SLC15A1: variants seen among roughly 807,000 people sequenced by gnomAD.
The protein encoded by SLC15A1 is Caco-2 oligopeptide transporter.
SLC15A1 carries 83 observed loss-of-function variants against 92.9 expected under a neutral mutation model. That is an observed-to-expected ratio of 0.89 (90% CI 0.75 to 1.07). The LOEUF is 1.07. Among genes scored for constraint, SLC15A1 ranks in the 50% least tolerant of loss-of-function variants. SLC15A1 has a pLI of 0.00. For synonymous variants in SLC15A1, 322 were observed against 318.2 expected (o/e 1.01, Z -0.13); for missense variants, 857 against 880.1 (o/e 0.97, Z 0.33).
chr13:98,705,791 C>T (rs1381258959), intron 16 of SLC15A1, among the ~76,000 whole-genome samples: 7 of 151,774 alleles, frequency 4.6e-5, no homozygotes, highest in Non-Finnish European at 1.0e-4. Context: ...ACTCAGGAGG[C>T]TAAGGCAGAA....
At chr13:98,715,334 C>G (rs1169988486) in intron 9 of SLC15A1, among the ~76,000 whole-genome samples, 1 of 152,190 alleles carries the variant, frequency 6.6e-6, no homozygotes, top group Admixed American at 6.5e-5. Context: ...GCCACCATGC[C>G]TGGCTAATTT....
chr13:98,700,586 G>A (rs1369169268), intron 18 of SLC15A1, among the ~76,000 whole-genome samples: 1 of 147,056 alleles, frequency 6.8e-6, no homozygotes, highest in African/African-American at 2.5e-5. Context: ...TGTTTTTGAT[G>A]TCATATCTAA....
intron 1 of SLC15A1, among the ~76,000 whole-genome samples, chr13:98,734,721 A>G (rs527509424): frequency 1.8e-4 from 28 of 152,382 alleles, no homozygotes; most frequent in African/African-American, 6.5e-4. Context: ...CTATGCAAAT[A>G]AACTAGAAAA....
At chr13:98,731,663 G>GT (rs977565955) in intron 1 of SLC15A1, among the ~76,000 whole-genome samples, 43 of 152,134 alleles carry the variant, frequency 2.8e-4, no homozygotes, top group African/African-American at 1.0e-3. Flanking sequence ...CCTTTCCTGT[G>GT]TTCCCCGGAT....
chr13:98,710,571 T>G (rs1444287127), intron 11 of SLC15A1, among the ~76,000 whole-genome samples: 1 of 151,938 alleles, frequency 6.6e-6, no homozygotes, highest in Non-Finnish European at 1.5e-5. Flanking sequence ...ATTCCAGCAC[T>G]TTGGGAGGCC....
chr13:98,714,837 T>A (rs866520234), intron 9 of SLC15A1, among the ~76,000 whole-genome samples: 26 of 152,030 alleles, frequency 1.7e-4, no homozygotes, highest in South Asian at 8.3e-4. Context: ...ATACAGTATG[T>A]TCACTAAAAA....
chr13:98,684,420 C>T lies in SLC15A1; in HGVS notation c.*304G>A, dbSNP rs770894585. 2.3e-5 allele frequency: 5 copies of T among 219,852 alleles called. No homozygotes were observed. The highest frequency in any genetic ancestry group is 1.0e-4 in the Admixed American group (2 of 19,296). 13.6% of individuals were successfully genotyped at this position (219,852 alleles called of 1,614,324 possible). A position where few individuals can be genotyped will look rare whatever the true frequency, so the allele number is the denominator to read the frequency against. ...AATAGCTGGGCGTGGTGGTGCATGC[C>T]GCTAATCCCAGCCACTCGGGAGGCT... On this transcript the variant is annotated 3_prime_UTR_variant, in exon 23 of 23. Coordinates refer to ENST00000376503, the MANE Select transcript of SLC15A1 (RefSeq NM_005073.4).
At chr13:98,696,497 A>T (rs946054693) in intron 18 of SLC15A1, among the ~76,000 whole-genome samples, 9 of 152,156 alleles carry the variant, frequency 5.9e-5, no homozygotes, top group Non-Finnish European at 1.2e-4. Context: ...ATCCCCCAAT[A>T]TCAATTGCTC....
intron 1 of SLC15A1, among the ~76,000 whole-genome samples, chr13:98,741,117 C>T (rs1392691117): frequency 5.9e-5 from 9 of 152,260 alleles, no homozygotes; most frequent in East Asian, 1.9e-4. Flanking sequence ...GCTTCTAGGC[C>T]GGATGCAGCC....
chr13:98,697,154 C>T (rs1341254408), intron 18 of SLC15A1, among the ~76,000 whole-genome samples: 7 of 152,112 alleles, frequency 4.6e-5, no homozygotes, highest in African/African-American at 9.7e-5. Context: ...CTCCTGGGTT[C>T]GAGTGATGCT....
intron 22 of SLC15A1, 102 bp from the exon 23 acceptor site, chr13:98,685,017 G>T: frequency 9.6e-7 from 1 of 1,043,752 alleles, no homozygotes. Flanking sequence ...TGCAGATGGA[G>T]AGTGCTTTGA....
intron 1 of SLC15A1, among the ~76,000 whole-genome samples, chr13:98,741,055 C>G (rs1215118062): frequency 6.6e-6 from 1 of 152,108 alleles, no homozygotes; most frequent in African/African-American, 2.4e-5. Flanking sequence ...TTCCCACCCT[C>G]GGGGACTCTG....
intron 7 of SLC15A1, chr13:98,720,996 G>A (rs1363595201): frequency 1.3e-5 from 5 of 384,938 alleles, no homozygotes; most frequent in African/African-American, 2.1e-5. Context: ...AGGTTGCAGT[G>A]AGCCAAGATC....
At chr13:98,736,144 A>G (rs2088392171) in intron 1 of SLC15A1, among the ~76,000 whole-genome samples, 1 of 152,236 alleles carries the variant, frequency 6.6e-6, no homozygotes, top group Non-Finnish European at 1.5e-5. Flanking sequence ...CAAAACAGAT[A>G]TATAGATCAA....
chr13:98,690,594 C>T (rs1312387070), intron 18 of SLC15A1, among the ~76,000 whole-genome samples: 4 of 152,270 alleles, frequency 2.6e-5, no homozygotes, highest in South Asian at 4.1e-4. Context: ...TGTCTTAGGG[C>T]TGGTGCGACA....
chr13:98,690,664 C>T (rs1312393771), intron 18 of SLC15A1, among the ~76,000 whole-genome samples: 4 of 152,168 alleles, frequency 2.6e-5, no homozygotes, highest in East Asian at 1.9e-4. Context: ...GAAATGCGTC[C>T]GGAGGCGATT....
rs1254676479 is a variant in SLC15A1 at position 98,709,629 on chromosome 13, AC to A, written c.1009del (p.Val337SerfsTer22). 1.2e-6 allele frequency: 2 copies of A among 1,614,208 alleles called. No homozygotes were observed. Among genetic ancestry groups the A allele is most frequent in the South Asian group, 2.2e-5 (2 of 91,072 alleles). ...TVNAILIVIM[V>X]PIFDAVLYPL... is the part of the protein sequence containing the mutation. Reference sequence around the variant, plus strand: ...GTACAGCACAGCATCGAAGATCGGGACCATGATCACGATCAGGATGGCGTTC... The same window carrying A: ...GTACAGCACAGCATCGAAGATCGGGACATGATCACGATCAGGATGGCGTTC... On this transcript the variant is annotated frameshift_variant, in exon 14 of 23. Coordinates refer to ENST00000376503, the MANE Select transcript of SLC15A1 (RefSeq NM_005073.4). LOFTEE classifies it high-confidence loss of function.
chr13:98,701,723 T>G (rs1269640394), intron 18 of SLC15A1, among the ~76,000 whole-genome samples: 1 of 146,494 alleles, frequency 6.8e-6, no homozygotes, highest in Non-Finnish European at 1.5e-5. Context: ...TAGGCTGGAG[T>G]GCAGCAGCAC....
chr13:98,686,368 T>A (rs1488793511), intron 21 of SLC15A1, 71 bp from the exon 22 acceptor site: 2 of 1,059,500 alleles, frequency 1.9e-6, no homozygotes, highest in Admixed American at 2.0e-5. Context: ...AGCTCACCGA[T>A]GGGCGTTTCG....
Sources: gnomAD v4.1 joint callset for allele counts (sites outside exome capture counted in the v4.1 genomes callset) on GRCh38, gnomAD v4.1.1 for gene constraint, MANE v1.5 for transcripts, NCBI Gene and HGNC (gene_info 2026-07-23, HGNC 2026-07-21) for gene names.